Variants in NCOR2 observed in about 807,000 individuals in gnomAD.
The protein encoded by NCOR2 is CTG repeat protein 26.
In NCOR2, 81 loss-of-function variants were observed where a neutral mutation model predicts 262.9. That is an observed-to-expected ratio of 0.31 (90% CI 0.26 to 0.37). The LOEUF is 0.37. Ranked by LOEUF, NCOR2 falls within the 10% of genes least tolerant of loss-of-function variation. The probability of loss-of-function intolerance (pLI) is 1.00; values close to 1 mark genes in which losing one functional copy is unlikely to be tolerated. For synonymous variants in NCOR2, 1,659 were observed against 1,559.3 expected (o/e 1.06, Z -1.51); for missense variants, 3,385 against 3,621.4 (o/e 0.93, Z 1.68).
chr12:124,336,742 G>T lies in NCOR2; in HGVS notation c.6115+11C>A. 1 of 1,612,268 alleles carries T rather than the reference G, an allele frequency of 6.2e-7. No individual in the cohort carries two copies. Among genetic ancestry groups the T allele is most frequent in the Non-Finnish European group, 8.5e-7 (1 of 1,179,474 alleles). On this transcript the variant is annotated intron_variant, in intron 38 of 46. Transcript: ENST00000405201. ...CGTCTATGAAGGTGGCCGCTGTCAG[G>T]GTGGTCTTACCCAGAGAACGGAGTT...
At chr12:124,434,957 CAT>C (rs1310326499) in intron 8 of NCOR2, among the ~76,000 whole-genome samples, 1 of 152,168 alleles carries the variant, frequency 6.6e-6, no homozygotes, top group African/African-American at 2.4e-5. Context: ...ACTACAAATA[CAT>C]GTATTAAGAA....
At position 124,362,306 on chromosome 12, in the gene NCOR2, A is replaced by C; in HGVS notation, c.2929-9T>G. The C allele has an allele frequency of 7.6e-7, 1 of 1,321,922 alleles. No individual in the cohort carries two copies. The highest frequency in any genetic ancestry group is 9.7e-7 in the Non-Finnish European group (1 of 1,035,354). 81.9% of individuals were successfully genotyped at this position (1,321,922 alleles called of 1,614,324 possible). ...TGGACTTTGGTGACCTGCTGAGGGA[A>C]GCAGGCAGAAGTGAGCATTCACAGA... On this transcript the variant is annotated splice_polypyrimidine_tract_variant and intron_variant, in intron 21 of 46. Transcript: ENST00000405201.
chr12:124,340,390 G>A lies in NCOR2; in HGVS notation c.5392C>T (p.Arg1798Ter), dbSNP rs1480147045. 1 of 1,613,062 alleles carries A rather than the reference G, an allele frequency of 6.2e-7. No homozygotes were observed. ...CGGTCCCGCTCTCGATCCCGGTCTC[G>A]CTCCCGCTCGGACGAGGACGTGGTG... is the stretch of plus-strand genomic sequence containing the variant. Residue 1798 changes from arginine (R) to a stop codon, truncating the protein, a stop_gained, in exon 36 of 47, where the codon CGA becomes TGA. Coordinates refer to ENST00000405201, the Ensembl canonical transcript of NCOR2. LOFTEE classifies it high-confidence loss of function.
chr12:124,423,286 A>C (rs947328650), intron 11 of NCOR2, among the ~76,000 whole-genome samples: 4 of 152,186 alleles, frequency 2.6e-5, no homozygotes, highest in African/African-American at 7.2e-5. Flanking sequence ...CCCTGGCCCC[A>C]GGCCCAGGCG....
chr12:124,419,222 AG>A (rs1345473269), intron 13 of NCOR2, among the ~76,000 whole-genome samples: 1 of 152,172 alleles, frequency 6.6e-6, no homozygotes, highest in African/African-American at 2.4e-5. Flanking sequence ...TCTAACTCGG[AG>A]GAAAAAGCAA....
chr12:124,435,712 T>C (rs1406675570), intron 8 of NCOR2, among the ~76,000 whole-genome samples: 2 of 152,142 alleles, frequency 1.3e-5, no homozygotes, highest in African/African-American at 4.8e-5. Flanking sequence ...CCCCAGGCAC[T>C]GCTCAGCCCC....
In NCOR2 at chr12:124,548,007, TAAAATA is replaced by T. The variant is rs948171597; in HGVS notation, c.-164-12402_-164-12397del. On this transcript the variant is annotated intron_variant, in intron 1 of 32. Coordinates refer to the NCOR2 transcript ENST00000458234. The surrounding 1 kb of genome is among the most constrained non-coding windows in gnomAD (Gnocchi z 5.1). ...TATAATTCTAAAACTTGTAAGGTTA[TAAAATA>T]ACCATAAGAACTATGATGATGTGGA... Among the ~76,000 whole-genome samples, 2 of 152,162 alleles carry T rather than the reference TAAAATA, an allele frequency of 1.3e-5. No homozygotes were observed. Among genetic ancestry groups the T allele is most frequent in the African/African-American group, 4.8e-5 (2 of 41,422 alleles).
intron 9 of NCOR2, among the ~76,000 whole-genome samples, chr12:124,430,276 G>A (rs2043839928): frequency 6.6e-6 from 1 of 152,196 alleles, no homozygotes; most frequent in African/African-American, 2.4e-5. Flanking sequence ...CTGACAGCGT[G>A]GTCTCTTAGC....
chr12:124,428,204 C>A (rs112205572), intron 10 of NCOR2, among the ~76,000 whole-genome samples: 3,352 of 152,236 alleles, frequency 0.022, 53 homozygotes, highest in Middle Eastern at 0.041. Context: ...AGCCTCTCTG[C>A]GGGATGTCCA....
chr12:124,381,124 C>T (rs2040380332), intron 17 of NCOR2, among the ~76,000 whole-genome samples: 1 of 152,106 alleles, frequency 6.6e-6, no homozygotes, highest in African/African-American at 2.4e-5. Context: ...ATCCATATGG[C>T]CCTGTGTGAT....
At chr12:124,477,352 C>T (rs1056852580) in intron 3 of NCOR2, among the ~76,000 whole-genome samples, 1 of 152,220 alleles carries the variant, frequency 6.6e-6, no homozygotes, top group African/African-American at 2.4e-5. Flanking sequence ...GCTTCCCCTT[C>T]CACCACGACT....
At chr12:124,371,000 C>T (rs2039458906) in intron 20 of NCOR2, among the ~76,000 whole-genome samples, 1 of 152,178 alleles carries the variant, frequency 6.6e-6, no homozygotes. Context: ...CCACGGCCAC[C>T]ACGCTCGCAT....
chr12:124,415,156 C>T (rs1169085066), intron 13 of NCOR2, among the ~76,000 whole-genome samples: 1 of 152,138 alleles, frequency 6.6e-6, no homozygotes, highest in African/African-American at 2.4e-5. Flanking sequence ...CACCTCCCCA[C>T]CCTCCTTAAG....
chr12:124,432,595 C>A lies in NCOR2; in HGVS notation c.883-1808G>T, dbSNP rs887403236. Among the ~76,000 whole-genome samples the A allele has an allele frequency of 6.6e-6, 1 of 152,166 alleles. No individual in the cohort carries two copies. The highest frequency in any genetic ancestry group is 1.5e-5 in the Non-Finnish European group (1 of 68,038). ...AGCTGTGCTGTACAACATGCGGGCC[C>A]GTCAGCCCTGGGGAGGGGCAGCCGC... On this transcript the variant is annotated intron_variant, in intron 8 of 46. Coordinates refer to ENST00000405201, the Ensembl canonical transcript of NCOR2. This position sits in a 1 kb window ranked among gnomAD's most constrained non-coding sequence, Gnocchi z 5.1.
At chr12:124,512,865 G>A (rs2049485887) in intron 1 of NCOR2, among the ~76,000 whole-genome samples, 1 of 152,174 alleles carries the variant, frequency 6.6e-6, no homozygotes, top group Admixed American at 6.5e-5. Context: ...TCGGCCGAGG[G>A]CCAAACTGAC....
intron 13 of NCOR2, among the ~76,000 whole-genome samples, chr12:124,408,157 A>G (rs911359221): frequency 6.6e-6 from 1 of 152,234 alleles, no homozygotes; most frequent in African/African-American, 2.4e-5. Context: ...AATCGAGACC[A>G]TCCTGGCTAA....
chr12:124,554,534 C>T (rs2051821116), intron 1 of NCOR2, among the ~76,000 whole-genome samples: 1 of 152,258 alleles, frequency 6.6e-6, no homozygotes, highest in African/African-American at 2.4e-5. Context: ...ATGCTGTGCC[C>T]TCCGCACCTC....
intron 18 of NCOR2, among the ~76,000 whole-genome samples, chr12:124,376,983 G>T (rs2040055058): frequency 6.6e-6 from 1 of 152,312 alleles, no homozygotes; most frequent in East Asian, 1.9e-4. Flanking sequence ...CACGCCACAG[G>T]GGGAGCAGTC....
intron 43 of NCOR2, chr12:124,331,985 C>T: frequency 3.1e-6 from 1 of 322,012 alleles, no homozygotes; most frequent in East Asian, 6.7e-5. Context: ...TGCAAAGCCA[C>T]ACAGGTGCTG....
Sources: allele counts gnomAD v4.1 joint callset (sites outside exome capture counted in the v4.1 genomes callset), GRCh38; gene constraint gnomAD v4.1.1; non-coding constraint Gnocchi (gnomAD v3.1); transcripts MANE v1.5; gene names NCBI Gene and HGNC (gene_info 2026-07-23, HGNC 2026-07-21).